LRP3: variants seen among roughly 807,000 people sequenced by gnomAD.
The protein encoded by LRP3 is low-density lipoprotein receptor-related protein 3.
Under a neutral mutation model 58.5 loss-of-function variants are expected in LRP3, and 49 were observed. That is an observed-to-expected ratio of 0.84 (90% confidence interval 0.67 to 1.06). The LOEUF (loss-of-function observed/expected upper bound fraction) is 1.06. LRP3 is among the 50% of genes least tolerant of loss of function. The pLI is 0.00. For synonymous variants in LRP3, 485 were observed against 492.2 expected, an observed-to-expected ratio of 0.99 and a Z score of 0.20; for missense variants, 1,019 against 1,134.2, an observed-to-expected ratio of 0.90 and a Z score of 1.46.
chr19:33,206,659 C>T lies in LRP3; in HGVS notation c.1651C>T (p.Pro551Ser). ...EAEFVRREAP[P>S]SYGQLIAQGL... ...TGAGTTCGTGCGGCGGGAGGCACCC[C>T]CATCCTATGGTCAGCTCATCGCCCA... is the stretch of plus-strand genomic sequence containing the variant. The change falls in exon 6 of 7, where the codon CCA (proline) becomes TCA (serine). Residue 551 changes from proline (P) to serine (S), a missense_variant. Around this residue, in one of 2 missense-constraint regions of LRP3, gnomAD observed 427 missense variants for 408.6 expected, o/e 1.04. Transcript: ENST00000253193. 6.3e-7 allele frequency: 1 copy of T among 1,591,482 alleles called. No individual in the cohort carries two copies. Among genetic ancestry groups the T allele is most frequent in the South Asian group, 1.1e-5 (1 of 87,450 alleles).
Position 33,206,681 on chromosome 19 carries a change from C to T in LRP3, c.1673C>T (p.Ala558Val), listed in dbSNP as rs1383511120. The change falls in exon 6 of 7, where the codon GCC becomes GTC. Residue 558 changes from alanine to valine, a missense_variant. Ala to Val is a moderately conservative substitution (Grantham distance 64). This residue lies in a region of LRP3 where 427 missense variants were observed against 408.6 expected (regional missense o/e 1.04). Transcript: ENST00000253193. ...CCCCCATCCTATGGTCAGCTCATCG[C>T]CCAGGGCCTCATTCCACCCGTGGAG... ...EAPPSYGQLIAQGLIPPVEDF... is the reference protein window; with the variant it reads ...EAPPSYGQLIVQGLIPPVEDF... The T allele has an allele frequency of 6.4e-7, 1 of 1,563,166 alleles. No homozygotes were observed. The highest frequency in any genetic ancestry group is 8.6e-7 in the Non-Finnish European group (1 of 1,156,364).
At position 33,202,997 on chromosome 19, in the gene LRP3, C is replaced by G. The variant is rs376411126; in HGVS notation, c.260+11C>G. The G allele has an allele frequency of 6.2e-7, 1 of 1,611,500 alleles. No individual in the cohort carries two copies. ...CATGATTACCATCAGGTAGGGGCAC[C>G]CGGGGGTGTCGGAAGGAATCAATGT... On this transcript the variant is annotated intron_variant, in intron 3 of 6. Coordinates refer to ENST00000253193, the MANE Select transcript of LRP3 (RefSeq NM_002333.4).
Position 33,204,721 on chromosome 19 carries a change from A to G in LRP3, c.344A>G (p.Glu115Gly). The G allele has an allele frequency of 6.2e-7, 1 of 1,611,216 alleles. No homozygotes were observed. The highest frequency in any genetic ancestry group is 1.1e-5 in the South Asian group (1 of 91,078). The change falls in exon 4 of 7, where the codon GAG (glutamate) becomes GGG (glycine). Residue 115 changes from glutamate (E) to glycine (G), a missense_variant. This residue lies in a region of LRP3 where 592 missense variants were observed against 725.5 expected (regional missense o/e 0.82). Coordinates refer to ENST00000253193, the MANE Select transcript of LRP3 (RefSeq NM_002333.4). Reference protein sequence around the residue: ...LLGPAAPPRQEAFRLCGSAIP... With the variant: ...LLGPAAPPRQGAFRLCGSAIP... Reference sequence around the variant, plus strand: ...GGCCCAGCAGCCCCACCCCGCCAGGAGGCCTTCCGCCTCTGTGGCTCCGCC... The same window carrying G: ...GGCCCAGCAGCCCCACCCCGCCAGGGGGCCTTCCGCCTCTGTGGCTCCGCC...
At chr19:33,200,341 C>T (rs560091469) in intron 2 of LRP3, among the ~76,000 whole-genome samples, 45 of 152,328 alleles carry the variant, frequency 3.0e-4, no homozygotes, top group Non-Finnish European at 6.3e-4. Context: ...AAGCGATTCT[C>T]CTGCCTCGGC....
At chr19:33,203,647 T>TG (rs1192520209) in intron 3 of LRP3, among the ~76,000 whole-genome samples, 5 of 152,008 alleles carry the variant, frequency 3.3e-5, no homozygotes, top group Non-Finnish European at 4.4e-5. Context: ...TCATGGGGTG[T>TG]GGGGGGTCTC....
Position 33,207,523 on chromosome 19 carries a change from C to A in LRP3, c.2261C>A (p.Pro754His). The change falls in exon 7 of 7, where the codon CCC becomes CAC. Residue 754 changes from proline (P) to histidine (H), a missense_variant. Transcript: ENST00000253193. Reference protein sequence around the residue: ...PLGVCRNPPPPCSPMLEASDD... With the variant: ...PLGVCRNPPPHCSPMLEASDD... ...GGGGTCTGCAGGAACCCCCCGCCCC[C>A]CTGCTCCCCAATGCTGGAGGCCAGC... is the stretch of plus-strand genomic sequence containing the variant. The A allele has an allele frequency of 1.2e-6, 2 of 1,605,858 alleles. No homozygotes were observed. The highest frequency in any genetic ancestry group is 1.7e-4 in the Middle Eastern group (1 of 6,040).
intron 1 of LRP3, 56 bp from the exon 2 acceptor site, chr19:33,196,674 T>C (rs1045429328): frequency 7.2e-6 from 11 of 1,527,056 alleles, no homozygotes; most frequent in Non-Finnish European, 1.0e-5. Flanking sequence ...CATGGGCTGC[T>C]GCTGGTCCCC....
rs1337364667 is a variant in LRP3 at position 33,194,397 on chromosome 19, G to A, written c.-389G>A. On this transcript the variant is annotated 5_prime_UTR_variant, in exon 1 of 7. Transcript: ENST00000253193. ...GGCTGGGCGCAGCGCGGGGCGGCCC[G>A]GGGACGCCGGGGCCGGGCGGGCTGC... Among the ~76,000 whole-genome samples, 1 of 145,212 alleles carries A rather than the reference G, an allele frequency of 6.9e-6. No homozygotes were observed. Among genetic ancestry groups the A allele is most frequent in the Non-Finnish European group, 1.5e-5 (1 of 65,454 alleles).
At position 33,208,418 on chromosome 19, in the gene LRP3, G is replaced by A; in HGVS notation, c.*843G>A. 4.8e-6 allele frequency: 1 copy of A among 209,798 alleles called. No homozygotes were observed. Among genetic ancestry groups the A allele is most frequent in the Non-Finnish European group, 9.7e-6 (1 of 103,006 alleles). The allele number at this position is 209,798 out of a possible 1,614,324, so 13.0% of individuals were successfully genotyped here. A position where few individuals can be genotyped will look rare whatever the true frequency, so the allele number is the denominator to read the frequency against. On this transcript the variant is annotated 3_prime_UTR_variant, in exon 7 of 7. Coordinates refer to ENST00000253193, the MANE Select transcript of LRP3 (RefSeq NM_002333.4). The surrounding 1 kb of genome is among the most constrained non-coding windows in gnomAD (Gnocchi z 4.7). ...TCTCCTGGGTGGCCGAGCTCAGACT[G>A]GCATCGAGGGGCCTGGGGTAGGGGC...
At position 33,194,387 on chromosome 19, in the gene LRP3, G is replaced by T. The variant is rs960943477; in HGVS notation, c.-399G>T. ...CGGCCGGGCGGGCTGGGCGCAGCGCGGGGCGGCCCGGGGACGCCGGGGCCG... is the reference window on the plus strand; with the variant it reads ...CGGCCGGGCGGGCTGGGCGCAGCGCTGGGCGGCCCGGGGACGCCGGGGCCG... On this transcript the variant is annotated 5_prime_UTR_variant, in exon 1 of 7. Transcript: ENST00000253193. Among the ~76,000 whole-genome samples, 3 of 145,346 alleles carry T rather than the reference G, an allele frequency of 2.1e-5. No individual in the cohort carries two copies. The highest frequency in any genetic ancestry group is 7.4e-5 in the African/African-American group (3 of 40,610).
At position 33,205,542 on chromosome 19, in the gene LRP3, C is replaced by T; in HGVS notation, c.772C>T (p.Leu258=). The change falls in exon 5 of 7, where the codon CTG becomes TTG. Residue 258 remains leucine (L), a synonymous_variant. Coordinates refer to ENST00000253193, the MANE Select transcript of LRP3 (RefSeq NM_002333.4). ...GCPDLACGRR[L]GSFYGSFASP... ...CCCCGACCTGGCGTGCGGCCGGCGG[C>T]TGGGCAGCTTCTACGGCTCCTTTGC... 6.3e-7 allele frequency: 1 copy of T among 1,590,420 alleles called. No homozygotes were observed. The highest frequency in any genetic ancestry group is 1.7e-4 in the Middle Eastern group (1 of 5,944).
rs765519321 is a variant in LRP3 at position 33,205,402 on chromosome 19, T to G, written c.632T>G (p.Leu211Arg). 6.3e-7 allele frequency: 1 copy of G among 1,595,084 alleles called. No individual in the cohort carries two copies. Among genetic ancestry groups the G allele is most frequent in the South Asian group, 1.1e-5 (1 of 89,474 alleles). Reference protein sequence around the residue: ...SAPASEPPGSLCPGGTFPCSG... With the variant: ...SAPASEPPGSRCPGGTFPCSG... The stretch of plus-strand genomic sequence containing the variant: ...CCCGCCTCCGAGCCTCCAGGCAGCC[T>G]GTGCCCCGGGGGGACCTTCCCATGC... The change falls in exon 5 of 7, where the codon CTG becomes CGG. Residue 211 changes from leucine (L) to arginine (R), a missense_variant. Physicochemically the swap from Leu to Arg is moderately radical, Grantham distance 102 (BLOSUM62 -2). Around this residue, in one of 2 missense-constraint regions of LRP3, gnomAD observed 592 missense variants for 725.5 expected, o/e 0.82. Transcript: ENST00000253193.
intron 3 of LRP3, among the ~76,000 whole-genome samples, chr19:33,203,481 G>A (rs562844826): frequency 3.0e-4 from 45 of 152,330 alleles, no homozygotes; most frequent in African/African-American, 8.9e-4. Flanking sequence ...GTGTATGTGC[G>A]CATGCATGTA....
At chr19:33,198,095 CAG>C (rs901587682) in intron 2 of LRP3, among the ~76,000 whole-genome samples, 1 of 152,144 alleles carries the variant, frequency 6.6e-6, no homozygotes, top group African/African-American at 2.4e-5. Context: ...ATGGTAGAGT[CAG>C]GGGAAGGGGG....
intron 3 of LRP3, 110 bp downstream of exon 3, chr19:33,203,096 C>A: frequency 7.6e-7 from 1 of 1,322,998 alleles, no homozygotes; most frequent in Non-Finnish European, 1.0e-6. Context: ...TGAGGGTGTA[C>A]ATGTGTGTGA....
rs577296428 is a variant in LRP3 at position 33,207,754 on chromosome 19, G to A, written c.*179G>A. ...GCGGGAGCTGTGGGACTGAACGGCG[G>A]GGGGGAGAAGAGTGGAGTGGTGAGC... On this transcript the variant is annotated 3_prime_UTR_variant, in exon 7 of 7. Transcript: ENST00000253193. 4 of 352,990 alleles carry A rather than the reference G, an allele frequency of 1.1e-5. No homozygotes were observed. The highest frequency in any genetic ancestry group is 3.3e-5 in the East Asian group (1 of 30,502). The allele number at this position is 352,990 out of a possible 1,614,324, so 21.9% of individuals were successfully genotyped here.
intron 1 of LRP3, among the ~76,000 whole-genome samples, chr19:33,195,138 A>G (rs1974272698): frequency 6.6e-6 from 1 of 151,932 alleles, no homozygotes; most frequent in South Asian, 2.1e-4. Context: ...GCAGCCTTCA[A>G]CCCGGCCCGC....
At chr19:33,201,408 CG>C (rs111760554) in intron 2 of LRP3, among the ~76,000 whole-genome samples, 15,175 of 150,666 alleles carry the variant, frequency 0.1, 1,546 homozygotes, top group African/African-American at 0.26. Flanking sequence ...CGGAGAGGTC[CG>C]GGGGGCTAGG....
Position 33,207,722 on chromosome 19 carries a change from C to G in LRP3, c.*147C>G, listed in dbSNP as rs1599941172. The G allele has an allele frequency of 1.6e-6, 1 of 637,596 alleles. No individual in the cohort carries two copies. Among genetic ancestry groups the G allele is most frequent in the East Asian group, 2.7e-5 (1 of 36,532 alleles). 39.5% of individuals were successfully genotyped at this position (637,596 alleles called of 1,614,324 possible). ...CTGGCCCCTAAGCCAGCTGGCTGCA[C>G]TGGTGGGCGGGAGCTGTGGGACTGA... On this transcript the variant is annotated 3_prime_UTR_variant, in exon 7 of 7. Coordinates refer to ENST00000253193, the MANE Select transcript of LRP3 (RefSeq NM_002333.4).
Sources: gnomAD v4.1 joint callset for allele counts (sites outside exome capture counted in the v4.1 genomes callset) on GRCh38, gnomAD v4.1.1 for gene constraint, gnomAD v4.1.1 regional missense constraint, Gnocchi (gnomAD v3.1) non-coding constraint, MANE v1.5 for transcripts, NCBI Gene and HGNC (gene_info 2026-07-23, HGNC 2026-07-21) for gene names.